Variants in MRTFA observed in about 807,000 individuals in gnomAD.
MRTFA encodes myocardin related transcription factor A, also known as myocardin-related transcription factor A.
A neutral mutation model predicts 83.5 loss-of-function variants in MRTFA; 20 were observed. The observed-to-expected ratio is 0.24, with a 90% CI of 0.17 to 0.35. MRTFA has a LOEUF of 0.35. Ranked by LOEUF, MRTFA falls within the 10% of genes least tolerant of loss-of-function variation. The pLI, the probability that MRTFA is intolerant of heterozygous loss-of-function variation, is 1.00. For missense variants in MRTFA, 1,200 were observed against 1,224.7 expected (o/e 0.98, Z 0.30); for synonymous variants, 659 against 541.2 (o/e 1.22, Z -3.02).
At chr22:40,631,506 C>T (rs776504908) in intron 1 of MRTFA, among the ~76,000 whole-genome samples, 2 of 152,254 alleles carry the variant, frequency 1.3e-5, no homozygotes, top group East Asian at 3.9e-4. Flanking sequence ...TTCATACACA[C>T]GGCCGGCAAG....
chr22:40,608,424 T>TAA (rs2056344912), intron 1 of MRTFA, among the ~76,000 whole-genome samples: 1 of 152,206 alleles, frequency 6.6e-6, no homozygotes, highest in African/African-American at 2.4e-5. Flanking sequence ...TGAAAAATTT[T>TAA]AAACTTCAAG....
chr22:40,495,588 A>C (rs955027381), intron 3 of MRTFA, among the ~76,000 whole-genome samples: 1 of 145,428 alleles, frequency 6.9e-6, no homozygotes. Flanking sequence ...GTGTAACACT[A>C]TCTCTACTAA....
In MRTFA at chr22:40,411,212, C is replaced by T. The variant is rs528654705; in HGVS notation, c.*178G>A. 7.0e-5 allele frequency: 43 copies of T among 616,858 alleles called. No homozygotes were observed. Among genetic ancestry groups the T allele is most frequent in the Non-Finnish European group, 8.7e-5 (33 of 377,302 alleles). 38.2% of individuals were successfully genotyped at this position (616,858 alleles called of 1,614,324 possible). The stretch of plus-strand genomic sequence containing the variant: ...TTGACAGCTGCTCTCCTCTGCCCTG[C>T]GTGGCACTGAACCAGGAGTAAGGGC... On this transcript the variant is annotated 3_prime_UTR_variant, in exon 15 of 15. Transcript: ENST00000355630.
chr22:40,599,247 G>A lies in MRTFA; in HGVS notation c.-83-4512C>T, dbSNP rs571425840. On this transcript the variant is annotated intron_variant, in intron 1 of 14. Coordinates refer to ENST00000355630, the MANE Select transcript of MRTFA (RefSeq NM_020831.6). ...CAGGAGGCGGAGGTTGCAGTGAGCC[G>A]AGATCGGGCCATTGCACTTCAGCCT... 5.7e-4 allele frequency among the ~76,000 whole-genome samples: 86 copies of A among 150,538 alleles called. 1 individual carries two copies. In the Middle Eastern group the frequency reaches 0.014, roughly 25 times the overall value.
chr22:40,534,445 T>C (rs898986627), intron 3 of MRTFA, among the ~76,000 whole-genome samples: 2 of 152,218 alleles, frequency 1.3e-5, no homozygotes, highest in African/African-American at 4.8e-5. Flanking sequence ...TGATGTTATT[T>C]GATTTCATTT....
At chr22:40,620,220 G>A (rs1602503815) in intron 1 of MRTFA, among the ~76,000 whole-genome samples, 1 of 151,142 alleles carries the variant, frequency 6.6e-6, no homozygotes, top group African/African-American at 2.4e-5. Flanking sequence ...CCACCTCCTA[G>A]GTTCAAGTGA....
chr22:40,418,768 T>C lies in MRTFA; in HGVS notation c.1970A>G (p.Gln657Arg), dbSNP rs1411819248. Residue 657 changes from glutamine to arginine, a missense_variant, in exon 12 of 15, where the codon CAG becomes CGG. Gln to Arg is a conservative substitution (Grantham distance 43). Around this residue, in one of 2 missense-constraint regions of MRTFA, gnomAD observed 1,107 missense variants for 1,041.8 expected, o/e 1.06. Coordinates refer to ENST00000355630, the MANE Select transcript of MRTFA (RefSeq NM_020831.6). ...GGCGGGCTGCTGGGCTCGCTTCTCC[T>C]GCTCCAGCTGCAGCTTGAGCCGCTC... 1.3e-6 allele frequency: 2 copies of C among 1,559,026 alleles called. No homozygotes were observed. Among genetic ancestry groups the C allele is most frequent in the East Asian group, 2.4e-5 (1 of 42,536 alleles).
Position 40,624,283 on chromosome 22 carries a change from G to A in MRTFA, c.-84+12195C>T, listed in dbSNP as rs367753255. Among the ~76,000 whole-genome samples the A allele has an allele frequency of 2.6e-4, 39 of 151,486 alleles. 1 individual carries two copies. The highest frequency in any genetic ancestry group is 1.2e-3 in the East Asian group (6 of 5,142). ...TACTAAAAATTTTTAAAAATTAGCCGTGCATGGTGGGGCACGCCTGTAATC... is the reference window on the plus strand; with the variant it reads ...TACTAAAAATTTTTAAAAATTAGCCATGCATGGTGGGGCACGCCTGTAATC... On this transcript the variant is annotated intron_variant, in intron 1 of 14. Transcript: ENST00000355630.
At chr22:40,608,910 C>T (rs1486390403) in intron 1 of MRTFA, among the ~76,000 whole-genome samples, 1 of 152,178 alleles carries the variant, frequency 6.6e-6, no homozygotes, top group Non-Finnish European at 1.5e-5. Flanking sequence ...ATTACCACAT[C>T]GCACCCATTA....
intron 4 of MRTFA, among the ~76,000 whole-genome samples, chr22:40,448,399 G>A (rs144339403): frequency 4.6e-5 from 7 of 152,182 alleles, no homozygotes; most frequent in East Asian, 1.9e-4. Flanking sequence ...ACTTGAGCCC[G>A]GGAGGCAAAG....
At chr22:40,417,692 G>T (rs1247903677) in intron 12 of MRTFA, 199 bp from the exon 13 acceptor site, 4 of 572,130 alleles carry the variant, frequency 7.0e-6, no homozygotes, top group Admixed American at 3.2e-5. Context: ...CAACCCTGCA[G>T]GGGGTGCCTG....
At chr22:40,447,692 T>G (rs2053407927) in intron 4 of MRTFA, among the ~76,000 whole-genome samples, 1 of 152,208 alleles carries the variant, frequency 6.6e-6, no homozygotes, top group Non-Finnish European at 1.5e-5. Context: ...TCTCCTTGTT[T>G]TCCCCAATAA....
intron 1 of MRTFA, among the ~76,000 whole-genome samples, chr22:40,608,127 C>T (rs1456367434): frequency 6.6e-6 from 1 of 152,116 alleles, no homozygotes; most frequent in Non-Finnish European, 1.5e-5. Flanking sequence ...TGGGTTCAAG[C>T]GACTCTCCTG....
chr22:40,620,462 CAG>C (rs1295051384), intron 1 of MRTFA, among the ~76,000 whole-genome samples: 24 of 111,980 alleles, frequency 2.1e-4, no homozygotes, highest in Admixed American at 3.5e-4. Context: ...TTAGTAGAGA[CAG>C]GGTTTCACCA....
intron 3 of MRTFA, among the ~76,000 whole-genome samples, chr22:40,476,902 A>G (rs2054006460): frequency 1.3e-5 from 2 of 152,102 alleles, no homozygotes; most frequent in Non-Finnish European, 2.9e-5. Context: ...GGCCCAATGT[A>G]TTTTATAATT....
intron 3 of MRTFA, among the ~76,000 whole-genome samples, chr22:40,483,150 T>C (rs2054118318): frequency 6.6e-6 from 1 of 152,042 alleles, no homozygotes; most frequent in Admixed American, 6.5e-5. Context: ...AATCTCAAAC[T>C]TCTGGGCTCA....
At chr22:40,580,634 A>G (rs541836698) in intron 2 of MRTFA, among the ~76,000 whole-genome samples, 87 of 152,334 alleles carry the variant, frequency 5.7e-4, no homozygotes, top group African/African-American at 2.1e-3. Flanking sequence ...AAGTAAGTTG[A>G]AAGTTTCCCT....
chr22:40,489,015 C>T (rs779006548), intron 3 of MRTFA, among the ~76,000 whole-genome samples: 3 of 151,364 alleles, frequency 2.0e-5, no homozygotes, highest in Non-Finnish European at 4.4e-5. Flanking sequence ...CATAAAACAC[C>T]AACGTTTCAT....
At chr22:40,551,861 A>C (rs1013146953) in intron 3 of MRTFA, among the ~76,000 whole-genome samples, 6 of 152,188 alleles carry the variant, frequency 3.9e-5, no homozygotes, top group African/African-American at 1.4e-4. Context: ...ATATATGCTG[A>C]ATTAATGAAT....
Sources: gnomAD v4.1 joint callset for allele counts (sites outside exome capture counted in the v4.1 genomes callset) on GRCh38, gnomAD v4.1.1 for gene constraint, gnomAD v4.1.1 regional missense constraint, MANE v1.5 for transcripts, NCBI Gene and HGNC (gene_info 2026-07-23, HGNC 2026-07-21) for gene names.